The following MS4A6E variants were observed in gnomAD, a reference collection of about 807,000 sequenced individuals.
MS4A6E encodes the protein membrane spanning 4-domains A6E.
A neutral mutation model predicts 13.2 loss-of-function variants in MS4A6E; 8 were observed. That is an observed-to-expected ratio of 0.60 (90% CI 0.35 to 1.09). The LOEUF is 1.09. Ranked by LOEUF, MS4A6E falls within the 50% of genes least tolerant of loss-of-function variation. MS4A6E has a pLI of 0.02. For synonymous variants in MS4A6E, 72 were observed against 67.6 expected (o/e 1.06, Z -0.32); for missense variants, 177 against 171.1 (o/e 1.03, Z -0.19).
Position 60,335,058 on chromosome 11 carries a change from A to G in MS4A6E, c.147+16A>G. 1 of 1,613,710 alleles carries G rather than the reference A, an allele frequency of 6.2e-7. No individual in the cohort carries two copies. The highest frequency in any genetic ancestry group is 1.1e-5 in the South Asian group (1 of 91,010). ...AGTTATTGGGGTAAATCTAATTCAG[A>G]ACATGTTGGAGAGGGGTTAGGGGAA... On this transcript the variant is annotated intron_variant, in intron 2 of 4. Transcript: ENST00000684409.
chr11:60,333,556 A>G (rs1172674892), intron 1 of MS4A6E, among the ~76,000 whole-genome samples: 5 of 152,200 alleles, frequency 3.3e-5, no homozygotes, highest in African/African-American at 4.8e-5. Flanking sequence ...CTTAGGGAAT[A>G]GAAGATTCCC....
In MS4A6E at chr11:60,335,061, A is replaced by T; in HGVS notation, c.147+19A>T. The T allele has an allele frequency of 6.2e-7, 1 of 1,613,538 alleles. No individual in the cohort carries two copies. The highest frequency in any genetic ancestry group is 8.5e-7 in the Non-Finnish European group (1 of 1,179,714). On this transcript the variant is annotated intron_variant, in intron 2 of 4. Coordinates refer to ENST00000684409, the MANE Select transcript of MS4A6E (RefSeq NM_139249.4). Reference sequence around the variant, plus strand: ...TATTGGGGTAAATCTAATTCAGAACATGTTGGAGAGGGGTTAGGGGAAGTG... The same window carrying T: ...TATTGGGGTAAATCTAATTCAGAACTTGTTGGAGAGGGGTTAGGGGAAGTG...
intron 1 of MS4A6E, among the ~76,000 whole-genome samples, chr11:60,328,713 C>A (rs933781241): frequency 6.6e-6 from 1 of 152,030 alleles, no homozygotes; most frequent in South Asian, 2.1e-4. Context: ...AAACAACTAA[C>A]AATATAGAAT....
intron 1 of MS4A6E, among the ~76,000 whole-genome samples, chr11:60,331,740 A>G (rs1269267539): frequency 6.6e-6 from 1 of 152,188 alleles, no homozygotes. Flanking sequence ...CGAAATTCAT[A>G]TGTTAAAATT....
chr11:60,331,369 A>G (rs1022596924), intron 1 of MS4A6E, among the ~76,000 whole-genome samples: 2 of 152,170 alleles, frequency 1.3e-5, no homozygotes. Context: ...TGGTTCACTC[A>G]TACATTTGGT....
intron 2 of MS4A6E, chr11:60,335,498 C>T: frequency 2.2e-6 from 1 of 444,978 alleles, no homozygotes; most frequent in Non-Finnish European, 4.5e-6. Flanking sequence ...ATGATATTTA[C>T]CTTTTATTTG....
At chr11:60,329,073 C>T (rs573193412) in intron 1 of MS4A6E, among the ~76,000 whole-genome samples, 1 of 152,212 alleles carries the variant, frequency 6.6e-6, no homozygotes, top group Non-Finnish European at 1.5e-5. Context: ...ATACACGTGC[C>T]ATGGTGGTTT....
intron 3 of MS4A6E, chr11:60,338,378 C>A: frequency 5.7e-6 from 1 of 176,088 alleles, no homozygotes. Context: ...TCTAAAAAGA[C>A]ATCAGACTAA....
At chr11:60,339,312 A>T (rs927375812) in intron 3 of MS4A6E, among the ~76,000 whole-genome samples, 4 of 152,262 alleles carry the variant, frequency 2.6e-5, no homozygotes, top group African/African-American at 9.6e-5. Flanking sequence ...AATAAAAAAC[A>T]TCCAAACAGG....
intron 1 of MS4A6E, 144 bp from the exon 2 acceptor site, chr11:60,334,738 C>A: frequency 1.2e-6 from 1 of 834,896 alleles, no homozygotes; most frequent in Non-Finnish European, 1.9e-6. Flanking sequence ...GGTTGTGTGG[C>A]TTTCACTGCT....
rs527613707 is a variant in MS4A6E, at chr11:60,331,856, C to T, written c.-14-3026C>T. ...GATTGGTGCTCTTATAAAAGAGACC[C>T]CACAGAGCTCTCTTGCTCCTTTCGA... On this transcript the variant is annotated intron_variant, in intron 1 of 4. Transcript: ENST00000684409. Among the ~76,000 whole-genome samples the T allele has an allele frequency of 6.6e-5, 10 of 152,240 alleles. No homozygotes were observed. The South Asian group carries it at 2.1e-3, about 32-fold the overall frequency.
At chr11:60,347,111 A>G (rs2085259780) in intron 4 of MS4A6E, among the ~76,000 whole-genome samples, 1 of 152,136 alleles carries the variant, frequency 6.6e-6, no homozygotes, top group Admixed American at 6.5e-5. Flanking sequence ...GAGATAGTGC[A>G]GCTGGAGGAG....
intron 2 of MS4A6E, among the ~76,000 whole-genome samples, chr11:60,337,268 A>G (rs542584671): frequency 6.6e-6 from 1 of 152,204 alleles, no homozygotes; most frequent in African/African-American, 2.4e-5. Flanking sequence ...CGGTTTTGCC[A>G]TTGAAAGTAG....
intron 2 of MS4A6E, among the ~76,000 whole-genome samples, chr11:60,335,288 A>G (rs1413176385): frequency 6.6e-6 from 1 of 152,188 alleles, no homozygotes; most frequent in East Asian, 1.9e-4. Context: ...TATTTTTGCA[A>G]TACAGTACTT....
rs779613982 is a variant in MS4A6E, at chr11:60,339,863, C to T, written c.355-3C>T. On this transcript the variant is annotated splice_polypyrimidine_tract_variant and splice_region_variant and intron_variant, in intron 3 of 4. Transcript: ENST00000684409. The stretch of plus-strand genomic sequence containing the variant: ...CACTGATATTTTATTTCTTGACTTT[C>T]AGGGAACTCTGTCTCTGATGCTGGT... The T allele has an allele frequency of 2.5e-6, 4 of 1,613,148 alleles. No individual in the cohort carries two copies. Among genetic ancestry groups the T allele is most frequent in the South Asian group, 2.2e-5 (2 of 91,068 alleles).
intron 4 of MS4A6E, among the ~76,000 whole-genome samples, chr11:60,340,465 G>T (rs1411380527): frequency 6.6e-6 from 1 of 152,152 alleles, no homozygotes; most frequent in Non-Finnish European, 1.5e-5. Flanking sequence ...CCTTTTAAAA[G>T]ATATATTAAA....
chr11:60,343,884 G>C (rs1170432553), downstream of MS4A6E, among the ~76,000 whole-genome samples: 1 of 152,276 alleles, frequency 6.6e-6, no homozygotes, highest in East Asian at 1.9e-4. Context: ...ATTAATACCT[G>C]TAACTTTTAC....
intron 3 of MS4A6E, 118 bp downstream of exon 3, chr11:60,338,065 G>A: frequency 1.0e-6 from 1 of 980,824 alleles, no homozygotes; most frequent in South Asian, 1.7e-5. Context: ...TCTGGAGGAA[G>A]GCCAAGGTTA....
chr11:60,336,425 C>T (rs2085189027), intron 2 of MS4A6E, among the ~76,000 whole-genome samples: 2 of 152,140 alleles, frequency 1.3e-5, no homozygotes. Context: ...GGGCCTCTTA[C>T]TCCAGAGAAC....
Sources: gnomAD v4.1 joint callset for allele counts (sites outside exome capture counted in the v4.1 genomes callset) on GRCh38, gnomAD v4.1.1 for gene constraint, MANE v1.5 for transcripts, NCBI Gene and HGNC (gene_info 2026-07-23, HGNC 2026-07-21) for gene names.